Variants in LMBR1 observed in about 807,000 individuals in gnomAD.
LMBR1 encodes the protein limb development membrane protein 1.
Under a neutral mutation model 73.9 loss-of-function variants are expected in LMBR1, and 52 were observed. The observed-to-expected ratio is 0.70, with a 90% CI of 0.56 to 0.89. The LOEUF (loss-of-function observed/expected upper bound fraction) is 0.89. Ranked by LOEUF, LMBR1 falls within the 40% of genes least tolerant of loss-of-function variation. The pLI is 0.00. For synonymous variants in LMBR1, 215 were observed against 209.4 expected, an observed-to-expected ratio of 1.03 and a Z score of -0.23; for missense variants, 539 against 579.8, an observed-to-expected ratio of 0.93 and a Z score of 0.72.
chr7:156,835,709 A>C (rs1181850198), intron 2 of LMBR1, among the ~76,000 whole-genome samples: 1 of 152,086 alleles, frequency 6.6e-6, no homozygotes, highest in East Asian at 1.9e-4. Flanking sequence ...AAAAAAAAAA[A>C]AAAACATCAA....
intron 5 of LMBR1, among the ~76,000 whole-genome samples, chr7:156,794,643 T>C (rs1055298087): frequency 3.9e-5 from 6 of 152,212 alleles, no homozygotes; most frequent in African/African-American, 7.2e-5. Context: ...ATTAGGTAGA[T>C]ACTGTTTATA....
chr7:156,701,451 G>T (rs957089761), intron 15 of LMBR1, among the ~76,000 whole-genome samples: 1 of 152,144 alleles, frequency 6.6e-6, no homozygotes, highest in Non-Finnish European at 1.5e-5. Flanking sequence ...GGTACATATT[G>T]TATGATTTCA....
intron 9 of LMBR1, among the ~76,000 whole-genome samples, chr7:156,754,373 T>G (rs764194987): frequency 4.6e-5 from 7 of 152,188 alleles, no homozygotes; most frequent in Admixed American, 6.5e-5. Context: ...AAAAAAATAC[T>G]GTTATTTCTA....
intron 5 of LMBR1, among the ~76,000 whole-genome samples, chr7:156,784,690 G>A (rs753750655): frequency 1.3e-5 from 2 of 152,192 alleles, no homozygotes; most frequent in Non-Finnish European, 2.9e-5. Flanking sequence ...AAAATGAAAT[G>A]TTAGGGTTAT....
chr7:156,885,428 G>A (rs1426436641), intron 1 of LMBR1, among the ~76,000 whole-genome samples: 2 of 151,762 alleles, frequency 1.3e-5, no homozygotes, highest in Non-Finnish European at 2.9e-5. Context: ...GGGAGCTTAA[G>A]CCATACCCAG....
At chr7:156,791,591 C>G (rs1302896589) in intron 5 of LMBR1, among the ~76,000 whole-genome samples, 3 of 152,218 alleles carry the variant, frequency 2.0e-5, no homozygotes, top group Non-Finnish European at 2.9e-5. Context: ...ATTGTGCTGT[C>G]ATGTTGCTCA....
intron 4 of LMBR1, among the ~76,000 whole-genome samples, chr7:156,671,542 C>T (rs1401522676): frequency 6.6e-6 from 1 of 152,192 alleles, no homozygotes; most frequent in African/African-American, 2.4e-5. Flanking sequence ...ATACGCTTGT[C>T]CATGATGCAG....
intron 1 of LMBR1, among the ~76,000 whole-genome samples, chr7:156,875,326 G>C (rs1023159043): frequency 6.6e-6 from 1 of 152,188 alleles, no homozygotes; most frequent in African/African-American, 2.4e-5. Context: ...ATTACGTTAA[G>C]TGACCAAATC....
At chr7:156,805,407 G>T (rs1176499135) in intron 4 of LMBR1, among the ~76,000 whole-genome samples, 4 of 151,886 alleles carry the variant, frequency 2.6e-5, no homozygotes, top group Non-Finnish European at 5.9e-5. Flanking sequence ...GTAGACACAG[G>T]GTTTCACCAT....
intron 9 of LMBR1, among the ~76,000 whole-genome samples, chr7:156,744,447 T>G (rs1819494887): frequency 6.6e-6 from 1 of 152,170 alleles, no homozygotes; most frequent in Non-Finnish European, 1.5e-5. Context: ...GTGTGGCCTT[T>G]TAACCTGAAC....
chr7:156,719,165 T>C (rs1284838477), intron 15 of LMBR1, among the ~76,000 whole-genome samples: 1 of 124,398 alleles, frequency 8.0e-6, no homozygotes. Flanking sequence ...CAGAGTGTGA[T>C]GTTCCCCTTC....
rs11981703 is a variant in LMBR1, at chr7:156,670,660, G to C, written n.867-1373C>G. On this transcript the variant is annotated intron_variant and non_coding_transcript_variant, in intron 4 of 4. Coordinates refer to the LMBR1 transcript ENST00000430825. The surrounding 1 kb of genome is among the most constrained non-coding windows in gnomAD (Gnocchi z 4.3). ...ACGATGGCAAACCCTGGGACCTGCA[G>C]ATTTCCCAGTGGGAGCGGCAGAAGG... Among the ~76,000 whole-genome samples, 2,071 of 152,296 alleles carry C rather than the reference G, an allele frequency of 0.014. 36 individuals are homozygous for C. The highest frequency in any genetic ancestry group is 0.047 in the African/African-American group (1,936 of 41,560).
chr7:156,845,160 C>T (rs1354986540), intron 1 of LMBR1, among the ~76,000 whole-genome samples: 2 of 152,220 alleles, frequency 1.3e-5, no homozygotes, highest in East Asian at 3.9e-4. Flanking sequence ...ATCAAATTAT[C>T]ATGTGTACCC....
At chr7:156,752,993 G>A (rs1821181380) in intron 9 of LMBR1, among the ~76,000 whole-genome samples, 1 of 152,110 alleles carries the variant, frequency 6.6e-6, no homozygotes, top group Admixed American at 6.6e-5. Flanking sequence ...AAGGTGTTAG[G>A]ATCAGGGTAT....
chr7:156,720,137 G>A (rs1814203500), intron 15 of LMBR1, among the ~76,000 whole-genome samples: 1 of 151,512 alleles, frequency 6.6e-6, no homozygotes. Flanking sequence ...CTTCTGCACA[G>A]CAAAAGAAAC....
chr7:156,698,267 G>C (rs998156811), intron 15 of LMBR1, among the ~76,000 whole-genome samples: 1 of 152,192 alleles, frequency 6.6e-6, no homozygotes, highest in Non-Finnish European at 1.5e-5. Context: ...TTCACAGGCT[G>C]GTATTGGTTT....
intron 15 of LMBR1, among the ~76,000 whole-genome samples, chr7:156,692,909 C>T (rs570103526): frequency 1.2e-4 from 19 of 152,072 alleles, no homozygotes; most frequent in Non-Finnish European, 2.5e-4. Context: ...ATAAAACTTG[C>T]TAAGTAGAGA....
rs145381053 is a variant in LMBR1 at position 156,672,515 on chromosome 7, T to G, written n.867-3228A>C. Among the ~76,000 whole-genome samples, 10 of 152,330 alleles carry G rather than the reference T, an allele frequency of 6.6e-5. No individual in the cohort carries two copies. The East Asian group carries it at 1.9e-3, about 29-fold the overall frequency. On this transcript the variant is annotated intron_variant and non_coding_transcript_variant, in intron 4 of 4. Coordinates refer to the LMBR1 transcript ENST00000430825. Reference sequence around the variant, plus strand: ...GTTGTTCAGAGCATATGAGCTCTATTTCCATCTAAAGTGTTTGAAGGAAAA... The same window carrying G: ...GTTGTTCAGAGCATATGAGCTCTATGTCCATCTAAAGTGTTTGAAGGAAAA...
downstream of LMBR1, among the ~76,000 whole-genome samples, chr7:156,673,318 C>A (rs1053555267): frequency 1.4e-4 from 21 of 152,160 alleles, no homozygotes; most frequent in Non-Finnish European, 2.8e-4. Context: ...AATTACAAAG[C>A]ATCAATTGGA....
Sources: allele counts gnomAD v4.1 joint callset (sites outside exome capture counted in the v4.1 genomes callset), GRCh38; gene constraint gnomAD v4.1.1; non-coding constraint Gnocchi (gnomAD v3.1); transcripts MANE v1.5; gene names NCBI Gene and HGNC (gene_info 2026-07-23, HGNC 2026-07-21).